Variants in AIG1 observed in about 807,000 individuals in gnomAD.
AIG1 encodes androgen-induced gene 1 protein.
A neutral mutation model predicts 31.4 loss-of-function variants in AIG1; 23 were observed. The observed-to-expected ratio is 0.73, with a 90% CI of 0.53 to 1.04. The LOEUF (loss-of-function observed/expected upper bound fraction) is 1.04. AIG1 is among the 50% of genes least tolerant of loss of function. The pLI is 0.00. For missense variants in AIG1, 274 were observed against 295.0 expected (o/e 0.93, Z 0.52); for synonymous variants, 100 against 110.5 (o/e 0.90, Z 0.60).
intron 3 of AIG1, among the ~76,000 whole-genome samples, chr6:143,167,774 T>C (rs1056738979): frequency 2.0e-5 from 3 of 152,178 alleles, no homozygotes; most frequent in Non-Finnish European, 2.9e-5. Flanking sequence ...TTAGTTAATA[T>C]GTCAAATCCT....
intron 3 of AIG1, among the ~76,000 whole-genome samples, chr6:143,185,194 C>CAAAAAA (rs10690751): frequency 7.4e-6 from 1 of 135,020 alleles, no homozygotes. Flanking sequence ...GACTCCATCT[C>CAAAAAA]AAAAAAAAAA....
At chr6:143,205,591 G>C (rs1791048849) in intron 3 of AIG1, among the ~76,000 whole-genome samples, 1 of 152,174 alleles carries the variant, frequency 6.6e-6, no homozygotes, top group Non-Finnish European at 1.5e-5. Flanking sequence ...TTGATGTAAA[G>C]TACACAAATT....
chr6:143,171,470 TATATATAATATATATTAA>T, intron 3 of AIG1, among the ~76,000 whole-genome samples: 1 of 115,642 alleles, frequency 8.6e-6, no homozygotes, highest in Non-Finnish European at 1.6e-5. Flanking sequence ...ATATATTTAA[TATATATAATATATATTAA>T]ATATATAATA....
intron 4 of AIG1, among the ~76,000 whole-genome samples, chr6:143,307,797 C>T (rs1234876462): frequency 3.3e-5 from 5 of 152,202 alleles, no homozygotes; most frequent in Non-Finnish European, 7.3e-5. Context: ...TGTGCCCTGC[C>T]CCCAGAGGTG....
rs9376722 is a variant in AIG1, at chr6:143,081,257, A to G, written c.141+20191A>G. ...TTCCTGAGGATCGTGGCCTCCAGGC[A>G]CAGTGTAAGTGATATTGTATACCTA... is the stretch of plus-strand genomic sequence containing the variant. On this transcript the variant is annotated intron_variant, in intron 1 of 5. Coordinates refer to ENST00000357847, the MANE Select transcript of AIG1 (RefSeq NM_016108.4). Among the ~76,000 whole-genome samples the G allele has an allele frequency of 2.9e-3, 439 of 152,264 alleles. 9 individuals carry two copies. The East Asian group carries it at 0.052, about 18-fold the overall frequency.
At chr6:143,231,662 A>G (rs1229360025) in intron 3 of AIG1, among the ~76,000 whole-genome samples, 1 of 152,252 alleles carries the variant, frequency 6.6e-6, no homozygotes, top group African/African-American at 2.4e-5. Context: ...TAATTCAACA[A>G]ATACTAAATG....
intron 3 of AIG1, among the ~76,000 whole-genome samples, chr6:143,213,797 G>A (rs1329734608): frequency 6.6e-6 from 1 of 151,970 alleles, no homozygotes; most frequent in Non-Finnish European, 1.5e-5. Context: ...GATTACAGGG[G>A]TGAGCCACTA....
At chr6:143,211,171 T>A (rs935632494) in intron 3 of AIG1, among the ~76,000 whole-genome samples, 5 of 151,926 alleles carry the variant, frequency 3.3e-5, no homozygotes, top group Non-Finnish European at 7.4e-5. Context: ...GGTGACAGAG[T>A]GAGTGAGTGG....
chr6:143,098,734 C>T (rs1780005238), intron 1 of AIG1, among the ~76,000 whole-genome samples: 1 of 152,200 alleles, frequency 6.6e-6, no homozygotes, highest in African/African-American at 2.4e-5. Flanking sequence ...AAATAAATGG[C>T]ACCCCATCAT....
At chr6:143,187,192 C>T (rs1454171141) in intron 3 of AIG1, among the ~76,000 whole-genome samples, 3 of 152,172 alleles carry the variant, frequency 2.0e-5, no homozygotes, top group African/African-American at 7.2e-5. Flanking sequence ...ATGTAAATTA[C>T]TTATCCTTGG....
chr6:143,330,384 A>G lies in AIG1; in HGVS notation c.516-2898A>G, dbSNP rs1227538552. Reference sequence around the variant, plus strand: ...ACATTTGAGTGAAAACCCGAAGGACACAAGGGAGCCCAAGGGGATGCTGTG... The same window carrying G: ...ACATTTGAGTGAAAACCCGAAGGACGCAAGGGAGCCCAAGGGGATGCTGTG... On this transcript the variant is annotated intron_variant, in intron 4 of 5. Coordinates refer to ENST00000357847, the MANE Select transcript of AIG1 (RefSeq NM_016108.4). The surrounding 1 kb of genome is among the most constrained non-coding windows in gnomAD (Gnocchi z 4.4). Among the ~76,000 whole-genome samples, 2 of 152,174 alleles carry G rather than the reference A, an allele frequency of 1.3e-5. No homozygotes were observed. The highest frequency in any genetic ancestry group is 2.4e-5 in the African/African-American group (1 of 41,444).
At chr6:143,198,489 CATT>C (rs1790437996) in intron 3 of AIG1, among the ~76,000 whole-genome samples, 3 of 152,216 alleles carry the variant, frequency 2.0e-5, no homozygotes, top group Non-Finnish European at 4.4e-5. Context: ...ATAAAACTGA[CATT>C]GTTGAGTTTT....
At chr6:143,059,861 G>A (rs1420060608), upstream of AIG1, among the ~76,000 whole-genome samples, 2 of 152,178 alleles carry the variant, frequency 1.3e-5, no homozygotes, top group African/African-American at 4.8e-5. Flanking sequence ...AAATGAAAAT[G>A]TTGCCCACAG....
At chr6:143,263,284 TTTC>T (rs1225063212) in intron 3 of AIG1, among the ~76,000 whole-genome samples, 9 of 151,748 alleles carry the variant, frequency 5.9e-5, no homozygotes, top group Non-Finnish European at 8.8e-5. Flanking sequence ...TGTTTTTTTT[TTTC>T]TTTCTTTCTT....
In AIG1 at chr6:143,165,130, A is replaced by T. The variant is rs1243818000; in HGVS notation, c.346A>T (p.Ile116Leu). 1 of 1,613,668 alleles carries T rather than the reference A, an allele frequency of 6.2e-7. No homozygotes were observed. The highest frequency in any genetic ancestry group is 1.3e-5 in the African/African-American group (1 of 75,022). The change falls in exon 3 of 6, where the codon ATA (isoleucine) becomes TTA (leucine). Residue 116 changes from isoleucine (I) to leucine (L), a missense_variant. Physicochemically the swap from Ile to Leu is conservative, Grantham distance 5. Coordinates refer to ENST00000357847, the MANE Select transcript of AIG1 (RefSeq NM_016108.4). ...WIIYAYDREM[I>L]YPKLLDNFIP... ...CATTTATGCCTATGACAGAGAGATGATATACCCGAAGCTGCTGGATAATTT... is the reference window on the plus strand; with the variant it reads ...CATTTATGCCTATGACAGAGAGATGTTATACCCGAAGCTGCTGGATAATTT...
intron 3 of AIG1, among the ~76,000 whole-genome samples, chr6:143,264,073 A>C (rs962717826): frequency 6.6e-6 from 1 of 152,230 alleles, no homozygotes; most frequent in African/African-American, 2.4e-5. Flanking sequence ...TTCTTGCAAC[A>C]TGACAGATTC....
chr6:143,128,078 T>A (rs1782856044), intron 1 of AIG1, among the ~76,000 whole-genome samples: 1 of 152,224 alleles, frequency 6.6e-6, no homozygotes, highest in African/African-American at 2.4e-5. Flanking sequence ...TAGGAATAAA[T>A]GGTAGAAGTC....
intron 3 of AIG1, among the ~76,000 whole-genome samples, chr6:143,278,095 C>T (rs936294693): frequency 4.6e-5 from 7 of 152,330 alleles, no homozygotes; most frequent in African/African-American, 1.4e-4. Context: ...TCCCCAGGAG[C>T]CAGTCCAGAC....
intron 3 of AIG1, among the ~76,000 whole-genome samples, chr6:143,180,685 A>G (rs1268083697): frequency 2.0e-5 from 3 of 152,160 alleles, no homozygotes; most frequent in Non-Finnish European, 4.4e-5. Flanking sequence ...AGGTTAGGAT[A>G]TTATTATTAT....
Sources: gnomAD v4.1 joint callset for allele counts (sites outside exome capture counted in the v4.1 genomes callset) on GRCh38, gnomAD v4.1.1 for gene constraint, Gnocchi (gnomAD v3.1) non-coding constraint, MANE v1.5 for transcripts, NCBI Gene and HGNC (gene_info 2026-07-23, HGNC 2026-07-21) for gene names.